Variants in RABGAP1L observed in about 807,000 individuals in gnomAD.
RABGAP1L encodes RAB GTPase activating protein 1 like, also known as rab GTPase-activating protein 1-like.
RABGAP1L carries 63 observed loss-of-function variants against 137.7 expected under a neutral mutation model. That is an observed-to-expected ratio of 0.46 (90% confidence interval 0.37 to 0.56). RABGAP1L has a LOEUF of 0.56. Among genes scored for constraint, RABGAP1L ranks in the 20% least tolerant of loss-of-function variants. RABGAP1L has a pLI of 0.00. For missense variants in RABGAP1L, 1,095 were observed against 1,244.0 expected (o/e 0.88, Z 1.80); for synonymous variants, 431 against 433.7 (o/e 0.99, Z 0.08).
chr1:174,979,297 GACTC>G (rs1374314319), intron 23 of RABGAP1L, among the ~76,000 whole-genome samples: 8 of 152,306 alleles, frequency 5.3e-5, no homozygotes, highest in Non-Finnish European at 8.8e-5. Context: ...TAAATTTGGT[GACTC>G]ACTGTCTCCT....
chr1:174,918,994 G>A (rs926930223), intron 19 of RABGAP1L, among the ~76,000 whole-genome samples: 16 of 151,418 alleles, frequency 1.1e-4, no homozygotes, highest in Non-Finnish European at 2.1e-4. Flanking sequence ...CTGCCTAAGC[G>A]ACAGAGCAAG....
intron 13 of RABGAP1L, among the ~76,000 whole-genome samples, chr1:174,481,417 G>A (rs1450121248): frequency 3.9e-5 from 6 of 152,076 alleles, no homozygotes; most frequent in Admixed American, 2.6e-4. Flanking sequence ...CCTCCATTTA[G>A]TCGCACAAAG....
At chr1:174,932,161 C>T (rs756551595) in intron 19 of RABGAP1L, among the ~76,000 whole-genome samples, 7 of 151,312 alleles carry the variant, frequency 4.6e-5, no homozygotes, top group Non-Finnish European at 8.8e-5. Flanking sequence ...ACTTTTCCTT[C>T]ATATAGGATG....
At chr1:174,449,129 A>G (rs373951267) in intron 13 of RABGAP1L, 101 of 1,612,624 alleles carry the variant, frequency 6.3e-5, no homozygotes, top group South Asian at 4.4e-5. Flanking sequence ...CACATCCTGT[A>G]TGTGTGTGAA....
intron 10 of RABGAP1L, among the ~76,000 whole-genome samples, chr1:174,298,379 C>G (rs556377297): frequency 2.0e-5 from 3 of 152,300 alleles, no homozygotes; most frequent in South Asian, 4.1e-4. Flanking sequence ...TGTCAGTAGC[C>G]TTGGAGTTCC....
At chr1:174,904,685 T>A (rs1445177982) in intron 19 of RABGAP1L, among the ~76,000 whole-genome samples, 1 of 152,130 alleles carries the variant, frequency 6.6e-6, no homozygotes, top group Non-Finnish European at 1.5e-5. Flanking sequence ...TGTCTTCCTC[T>A]GTCACCCAGG....
intron 18 of RABGAP1L, among the ~76,000 whole-genome samples, chr1:174,801,526 A>G (rs1163922851): frequency 6.6e-6 from 1 of 152,244 alleles, no homozygotes; most frequent in African/African-American, 2.4e-5. Context: ...TTAGATAGCC[A>G]TGTAAATAAG....
chr1:174,725,862 G>A (rs1266972852), intron 17 of RABGAP1L, among the ~76,000 whole-genome samples: 1 of 152,056 alleles, frequency 6.6e-6, no homozygotes, highest in Non-Finnish European at 1.5e-5. Flanking sequence ...AGCACTGGGA[G>A]ATATACCTAA....
intron 13 of RABGAP1L, among the ~76,000 whole-genome samples, chr1:174,394,570 A>G (rs1262794361): frequency 1.3e-5 from 2 of 152,166 alleles, no homozygotes; most frequent in East Asian, 3.8e-4. Flanking sequence ...AATAATGTAG[A>G]TACTTGCCCT....
intron 12 of RABGAP1L, among the ~76,000 whole-genome samples, chr1:174,376,756 C>T (rs1435316012): frequency 1.3e-5 from 2 of 152,144 alleles, no homozygotes; most frequent in African/African-American, 4.8e-5. Context: ...CAGCTAACAT[C>T]TAACTTAAGA....
At chr1:174,450,553 T>G (rs1030270999) in intron 13 of RABGAP1L, among the ~76,000 whole-genome samples, 1 of 152,186 alleles carries the variant, frequency 6.6e-6, no homozygotes, top group Non-Finnish European at 1.5e-5. Context: ...TATAATATAC[T>G]TAATTATCAA....
At chr1:174,492,637 A>AC (rs1237539545) in intron 13 of RABGAP1L, among the ~76,000 whole-genome samples, 1 of 152,112 alleles carries the variant, frequency 6.6e-6, no homozygotes, top group African/African-American at 2.4e-5. Context: ...GGCATGAGCC[A>AC]CCGTGCCTGG....
At chr1:174,837,930 C>A (rs1393525308) in intron 19 of RABGAP1L, among the ~76,000 whole-genome samples, 1 of 151,960 alleles carries the variant, frequency 6.6e-6, no homozygotes, top group Non-Finnish European at 1.5e-5. Context: ...ATAAGTAAGC[C>A]CTAATTTCTG....
chr1:174,480,530 CT>C (rs1402084237), intron 13 of RABGAP1L, among the ~76,000 whole-genome samples: 4 of 152,238 alleles, frequency 2.6e-5, no homozygotes, highest in Admixed American at 2.0e-4. Flanking sequence ...GATTACATCA[CT>C]CCTTTTCTGC....
At chr1:174,186,022 A>G (rs1033570442) in intron 1 of RABGAP1L, among the ~76,000 whole-genome samples, 1 of 151,992 alleles carries the variant, frequency 6.6e-6, no homozygotes, top group African/African-American at 2.4e-5. Flanking sequence ...GCATGCCTGT[A>G]TTCCCAGCTA....
chr1:174,336,899 A>AGAAAG (rs1553276029), intron 11 of RABGAP1L, among the ~76,000 whole-genome samples: 3 of 145,304 alleles, frequency 2.1e-5, no homozygotes, highest in African/African-American at 7.7e-5. Context: ...GAGAGAGAGA[A>AGAAAG]AGAGAGAGAA....
chr1:174,333,391 C>T (rs1232264041), intron 11 of RABGAP1L, among the ~76,000 whole-genome samples: 1 of 152,146 alleles, frequency 6.6e-6, no homozygotes, highest in African/African-American at 2.4e-5. Context: ...ATGATCATTA[C>T]ACAATGTATA....
chr1:174,475,739 C>T (rs1658430487), intron 13 of RABGAP1L, among the ~76,000 whole-genome samples: 1 of 132,214 alleles, frequency 7.6e-6, no homozygotes, highest in Non-Finnish European at 1.5e-5. Context: ...CTACTGCATT[C>T]CAGCCTGAGT....
chr1:174,371,095 G>C, intron 12 of RABGAP1L, 23 bp downstream of exon 12: 1 of 1,325,564 alleles, frequency 7.5e-7, no homozygotes, highest in Non-Finnish European at 1.0e-6. Flanking sequence ...TTTTCATACT[G>C]AAAATTCTAT....
Sources: allele counts gnomAD v4.1 joint callset (sites outside exome capture counted in the v4.1 genomes callset), GRCh38; gene constraint gnomAD v4.1.1; transcripts MANE v1.5; gene names NCBI Gene and HGNC (gene_info 2026-07-23, HGNC 2026-07-21).